Variants in PCDH7 observed in about 807,000 individuals in gnomAD.
The protein encoded by PCDH7 is protocadherin 7.
In PCDH7, 17 loss-of-function variants were observed where a neutral mutation model predicts 58.9. The ratio of observed to expected loss-of-function variants is 0.29; its 90% CI spans 0.20 to 0.43. The LOEUF (loss-of-function observed/expected upper bound fraction) is 0.43, where lower values mean the gene tolerates loss of function less well. Ranked by LOEUF, PCDH7 falls within the 20% of genes least tolerant of loss-of-function variation. PCDH7 has a pLI of 1.00. For missense variants in PCDH7, 1,274 were observed against 1,441.0 expected, an observed-to-expected ratio of 0.88 and a Z score of 1.88; for synonymous variants, 664 against 616.4, an observed-to-expected ratio of 1.08 and a Z score of -1.14.
At chr4:31,022,020 G>A (rs190942555) in intron 3 of PCDH7, among the ~76,000 whole-genome samples, 7 of 152,258 alleles carry the variant, frequency 4.6e-5, no homozygotes, top group Admixed American at 3.3e-4. Flanking sequence ...CTTAATGGAT[G>A]TTCTAGGGAT....
intron 3 of PCDH7, among the ~76,000 whole-genome samples, chr4:31,092,537 G>T (rs1713392397): frequency 6.6e-6 from 1 of 152,008 alleles, no homozygotes; most frequent in Non-Finnish European, 1.5e-5. Flanking sequence ...GAGATGCTTT[G>T]TGAATATGGT....
intron 3 of PCDH7, among the ~76,000 whole-genome samples, chr4:31,004,122 T>G (rs1752573837): frequency 6.6e-6 from 1 of 152,110 alleles, no homozygotes; most frequent in Admixed American, 6.5e-5. Context: ...TTTCCTGTTA[T>G]CCAGTGGCTA....
chr4:31,080,801 C>T (rs1759436977), intron 3 of PCDH7, among the ~76,000 whole-genome samples: 1 of 152,160 alleles, frequency 6.6e-6, no homozygotes, highest in South Asian at 2.1e-4. Context: ...TGAATTGTAG[C>T]TCCCATAATT....
At chr4:30,976,134 A>G (rs1364605883) in intron 3 of PCDH7, among the ~76,000 whole-genome samples, 1 of 152,172 alleles carries the variant, frequency 6.6e-6, no homozygotes, top group African/African-American at 2.4e-5. Context: ...TACTTTCAAT[A>G]TAAAATTCTT....
chr4:30,727,330 A>T (rs1344523672), intron 1 of PCDH7, among the ~76,000 whole-genome samples: 3 of 151,966 alleles, frequency 2.0e-5, no homozygotes, highest in Non-Finnish European at 4.4e-5. Flanking sequence ...TAGGTTAAAC[A>T]GCTTTGTAGA....
chr4:31,063,114 A>G (rs1455919662), intron 3 of PCDH7, among the ~76,000 whole-genome samples: 2 of 151,892 alleles, frequency 1.3e-5, no homozygotes, highest in Non-Finnish European at 2.9e-5. Flanking sequence ...CAAGCCTCTG[A>G]ACCTCAAGCA....
chr4:30,884,345 T>C (rs190215875), intron 1 of PCDH7: 5 of 152,154 alleles, frequency 3.3e-5, no homozygotes, highest in South Asian at 2.1e-4. Flanking sequence ...GCTTTGCGTG[T>C]TGACGGTGAA....
chr4:31,117,079 G>A (rs1717085984), intron 3 of PCDH7, among the ~76,000 whole-genome samples: 1 of 152,052 alleles, frequency 6.6e-6, no homozygotes, highest in Non-Finnish European at 1.5e-5. Context: ...GTAGAGACAG[G>A]CTTTTACCAT....
At chr4:30,824,566 T>C (rs958041416) in intron 1 of PCDH7, among the ~76,000 whole-genome samples, 2 of 152,198 alleles carry the variant, frequency 1.3e-5, no homozygotes, top group South Asian at 4.1e-4. Context: ...AGGAGTGATA[T>C]TGCCTTACCT....
intron 3 of PCDH7, among the ~76,000 whole-genome samples, chr4:30,969,446 T>C (rs1482407215): frequency 6.6e-6 from 1 of 152,088 alleles, no homozygotes; most frequent in Non-Finnish European, 1.5e-5. Context: ...GAAAGCAATA[T>C]AGGAAATTGC....
chr4:30,816,083 A>T (rs994430958), intron 1 of PCDH7, among the ~76,000 whole-genome samples: 1 of 152,226 alleles, frequency 6.6e-6, no homozygotes, highest in African/African-American at 2.4e-5. Flanking sequence ...ATTAATTTCC[A>T]TTATTTTATA....
intron 3 of PCDH7, among the ~76,000 whole-genome samples, chr4:30,956,547 ATAAC>A (rs1367186347): frequency 6.6e-6 from 1 of 152,224 alleles, no homozygotes; most frequent in Non-Finnish European, 1.5e-5. Context: ...TTATTGAAGT[ATAAC>A]TGACTATAAT....
At chr4:31,122,093 G>A (rs189628331) in intron 3 of PCDH7, among the ~76,000 whole-genome samples, 9 of 152,054 alleles carry the variant, frequency 5.9e-5, no homozygotes, top group South Asian at 2.1e-4. Flanking sequence ...TGGACACACC[G>A]TGAGCAGCAT....
At chr4:30,956,227 CA>C (rs201836402) in intron 3 of PCDH7, among the ~76,000 whole-genome samples, 2,969 of 117,180 alleles carry the variant, frequency 0.025, 31 homozygotes, top group Non-Finnish European at 0.032. Context: ...GACTGCATCT[CA>C]AAAAAAAAAA....
At chr4:31,051,809 A>T (rs1756752313) in intron 3 of PCDH7, among the ~76,000 whole-genome samples, 1 of 146,336 alleles carries the variant, frequency 6.8e-6, no homozygotes, top group South Asian at 2.3e-4. Context: ...ATCTTCTCAA[A>T]ACCAAAGCAT....
chr4:30,787,482 A>G (rs1298350685), intron 1 of PCDH7, among the ~76,000 whole-genome samples: 1 of 152,152 alleles, frequency 6.6e-6, no homozygotes, highest in Non-Finnish European at 1.5e-5. Flanking sequence ...ATGACGGTGT[A>G]AAAGCAGAAG....
intron 3 of PCDH7, among the ~76,000 whole-genome samples, chr4:30,988,222 G>GGATGCATA (rs1751155326): frequency 6.6e-6 from 1 of 152,066 alleles, no homozygotes; most frequent in African/African-American, 2.4e-5. Context: ...AGGAAATGAG[G>GGATGCATA]GATGCATACT....
chr4:30,889,567 T>C (rs986542721), intron 1 of PCDH7, among the ~76,000 whole-genome samples: 1 of 152,256 alleles, frequency 6.6e-6, no homozygotes, highest in African/African-American at 2.4e-5. Flanking sequence ...TGAGCTACCA[T>C]AACAAAATAC....
chr4:31,017,186 C>G (rs1452581715), intron 3 of PCDH7, among the ~76,000 whole-genome samples: 1 of 152,182 alleles, frequency 6.6e-6, no homozygotes, highest in Non-Finnish European at 1.5e-5. Flanking sequence ...TAGGCATAGT[C>G]TGAATCTTAC....
Sources: gnomAD v4.1 joint callset for allele counts (sites outside exome capture counted in the v4.1 genomes callset) on GRCh38, gnomAD v4.1.1 for gene constraint, MANE v1.5 for transcripts, NCBI Gene and HGNC (gene_info 2026-07-23, HGNC 2026-07-21) for gene names.